The following FBRSL1 variants were observed in gnomAD, a reference collection of about 807,000 sequenced individuals.
FBRSL1 encodes the protein fibrosin-1-like protein.
FBRSL1 carries 51 observed loss-of-function variants against 89.6 expected under a neutral mutation model. The ratio of observed to expected loss-of-function variants is 0.57; its 90% CI spans 0.45 to 0.72. The LOEUF (loss-of-function observed/expected upper bound fraction) is 0.72. Ranked by LOEUF, FBRSL1 falls within the 30% of genes least tolerant of loss-of-function variation. The probability of loss-of-function intolerance (pLI) is 0.00; values close to 1 mark genes in which losing one functional copy is unlikely to be tolerated. For missense variants in FBRSL1, 1,618 were observed against 1,451.8 expected (o/e 1.11, Z -1.86); for synonymous variants, 779 against 681.1 (o/e 1.14, Z -2.24).
At chr12:132,547,413 C>T (rs778811908) in intron 4 of FBRSL1, among the ~76,000 whole-genome samples, 22 of 152,204 alleles carry the variant, frequency 1.4e-4, no homozygotes, top group East Asian at 1.3e-3. Flanking sequence ...TGACAAATGG[C>T]GCTGGCATCG....
intron 1 of FBRSL1, among the ~76,000 whole-genome samples, chr12:132,500,360 G>A (rs1381177956): frequency 2.0e-5 from 3 of 152,178 alleles, no homozygotes; most frequent in Admixed American, 2.0e-4. Context: ...GAGCCGTGCA[G>A]TCACTTCCCG....
chr12:132,511,556 A>C (rs532908273), intron 2 of FBRSL1: 1 of 985,558 alleles, frequency 1.0e-6, no homozygotes, highest in African/African-American at 1.7e-5. Flanking sequence ...ACCTCAGGGG[A>C]GCTGGGCAGG....
In FBRSL1 at chr12:132,519,899, C is replaced by CAAA. The variant is rs760671307; in HGVS notation, c.490-5818_490-5816dup. 2.7e-3 allele frequency among the ~76,000 whole-genome samples: 309 copies of CAAA among 114,562 alleles called. 6 individuals carry two copies. The highest frequency in any genetic ancestry group is 9.3e-3 in the African/African-American group (275 of 29,642). The allele number at this position is 114,562 out of a possible 152,430, so 75.2% of individuals were successfully genotyped here. On this transcript the variant is annotated intron_variant, in intron 2 of 18. Transcript: ENST00000680143. ...CTCCAGCCTGGGCAAGACTCTGTCT[C>CAAA]AAAAAAAAAAAAAAAAAAAGTGGCT...
intron 1 of FBRSL1, chr12:132,507,064 C>T (rs2033774780): frequency 2.7e-6 from 1 of 365,932 alleles, no homozygotes; most frequent in Admixed American, 6.5e-5. Flanking sequence ...TGTCGTCTGC[C>T]CTTACCGGAG....
chr12:132,510,222 C>T (rs2034175960), intron 2 of FBRSL1: 2 of 1,231,844 alleles, frequency 1.6e-6, no homozygotes, highest in Non-Finnish European at 1.0e-6. Context: ...GCTCCCCATT[C>T]CCGATCGCCC....
At chr12:132,496,999 C>G (rs964906469) in intron 1 of FBRSL1, among the ~76,000 whole-genome samples, 13 of 152,270 alleles carry the variant, frequency 8.5e-5, no homozygotes, top group Non-Finnish European at 1.5e-4. Context: ...GTGGCCCTGG[C>G]GGGCCGTGTT....
chr12:132,522,568 A>G (rs962503974), intron 2 of FBRSL1, among the ~76,000 whole-genome samples: 2 of 152,204 alleles, frequency 1.3e-5, no homozygotes, highest in Admixed American at 1.3e-4. Context: ...TTAAACTGTT[A>G]GTGGCTTCCA....
Position 132,584,829 on chromosome 12 carries a change from C to A in FBRSL1, c.*1051C>A, listed in dbSNP as rs1049019615. On this transcript the variant is annotated 3_prime_UTR_variant, in exon 19 of 19. Transcript: ENST00000680143. The stretch of plus-strand genomic sequence containing the variant: ...TCTAAAGGCTGATTTTACACACACA[C>A]ACACACACACACACACACACACAAA... The A allele has an allele frequency of 2.0e-5, 3 of 147,896 alleles. No individual in the cohort carries two copies. Among genetic ancestry groups the A allele is most frequent in the African/African-American group, 7.9e-5 (3 of 38,208 alleles). The allele number at this position is 147,896 out of a possible 1,614,324, so 9.2% of individuals were successfully genotyped here.
chr12:132,556,702 GCCTC>G (rs1593478941), intron 5 of FBRSL1, among the ~76,000 whole-genome samples: 25 of 100,520 alleles, frequency 2.5e-4, no homozygotes, highest in South Asian at 6.6e-4. Context: ...CCTTCATGCT[GCCTC>G]CAACCCCTGT....
intron 1 of FBRSL1, among the ~76,000 whole-genome samples, chr12:132,491,123 A>G (rs115685163): frequency 0.011 from 1,719 of 152,296 alleles, 29 homozygotes; most frequent in African/African-American, 0.038. Context: ...ACGCTTCGAA[A>G]TTGGGGGCTG....
In FBRSL1 at chr12:132,583,783, G is replaced by C. The variant is rs1439008483; in HGVS notation, c.*5G>C. 21 of 1,210,920 alleles carry C rather than the reference G, an allele frequency of 1.7e-5. No homozygotes were observed. The highest frequency in any genetic ancestry group is 2.1e-5 in the Non-Finnish European group (20 of 973,932). 75.0% of individuals were successfully genotyped at this position (1,210,920 alleles called of 1,614,324 possible). On this transcript the variant is annotated 3_prime_UTR_variant, in exon 19 of 19. Transcript: ENST00000680143. The stretch of plus-strand genomic sequence containing the variant: ...CCGGAGGTGGAGGCGCGGTAGCCCC[G>C]GGGCCGCAGACGCCTCTCCGAGCGG...
At position 132,583,986 on chromosome 12, in the gene FBRSL1, TC is replaced by T. The variant is rs2040978353; in HGVS notation, c.*209del. The T allele has an allele frequency of 3.7e-6, 1 of 271,706 alleles. No individual in the cohort carries two copies. The highest frequency in any genetic ancestry group is 5.4e-5 in the Admixed American group (1 of 18,482). The allele number at this position is 271,706 out of a possible 1,614,324, so 16.8% of individuals were successfully genotyped here. On this transcript the variant is annotated 3_prime_UTR_variant, in exon 19 of 19. Transcript: ENST00000680143. ...GGATTCGGCTGTTGGGAAAAAAAAA[TC>T]GCGTTTGTACCTTTTCCCCCCACAG...
chr12:132,579,249 G>T (rs1368527444), intron 15 of FBRSL1, among the ~76,000 whole-genome samples: 1 of 152,200 alleles, frequency 6.6e-6, no homozygotes, highest in Non-Finnish European at 1.5e-5. Context: ...CAATCTGCCT[G>T]TTAGGTTCCA....
intron 4 of FBRSL1, among the ~76,000 whole-genome samples, chr12:132,543,103 G>C (rs2037402883): frequency 6.6e-6 from 1 of 152,212 alleles, no homozygotes; most frequent in Non-Finnish European, 1.5e-5. Flanking sequence ...TGAGGGAAGG[G>C]GGAGGGGTTG....
chr12:132,510,321 G>T (rs1001655812), intron 2 of FBRSL1: 2 of 1,230,274 alleles, frequency 1.6e-6, no homozygotes, highest in Admixed American at 4.2e-5. Context: ...TCTGGTGCCG[G>T]CCCGTCAGCC....
At chr12:132,557,043 C>A (rs2038736767) in intron 5 of FBRSL1, among the ~76,000 whole-genome samples, 2 of 152,202 alleles carry the variant, frequency 1.3e-5, no homozygotes, top group Admixed American at 1.3e-4. Flanking sequence ...CCAGGGCGAT[C>A]CGGTGTCCTG....
intron 11 of FBRSL1, 113 bp from the exon 12 acceptor site, chr12:132,573,977 G>A: frequency 3.3e-6 from 2 of 603,042 alleles, no homozygotes; most frequent in Non-Finnish European, 4.4e-6. Context: ...AGCGTGCGGG[G>A]CCCCACGGCA....
intron 4 of FBRSL1, among the ~76,000 whole-genome samples, chr12:132,528,702 A>T (rs7314941): frequency 6.7e-6 from 1 of 149,782 alleles, no homozygotes; most frequent in South Asian, 2.1e-4. Context: ...TGTGCCTGAG[A>T]GAAGCAGGTG....
rs144140383 is a variant in FBRSL1 at position 132,520,380 on chromosome 12, G to A, written c.490-5354G>A. 3.3e-3 allele frequency among the ~76,000 whole-genome samples: 499 copies of A among 152,214 alleles called. 1 individual carries two copies. The highest frequency in any genetic ancestry group is 5.7e-3 in the Non-Finnish European group (386 of 68,020). ...TTTCTTTGCAGATGGCAATTTTCCCGAGGCAGCCCCTGCTCAGGTTGACCC... is the reference window on the plus strand; with the variant it reads ...TTTCTTTGCAGATGGCAATTTTCCCAAGGCAGCCCCTGCTCAGGTTGACCC... On this transcript the variant is annotated intron_variant, in intron 2 of 18. Transcript: ENST00000680143.
Sources: allele counts gnomAD v4.1 joint callset (sites outside exome capture counted in the v4.1 genomes callset), GRCh38; gene constraint gnomAD v4.1.1; transcripts MANE v1.5; gene names NCBI Gene and HGNC (gene_info 2026-07-23, HGNC 2026-07-21).